GRB10: variants seen among roughly 807,000 people sequenced by gnomAD.
The protein encoded by GRB10 is growth factor receptor-bound protein 10.
GRB10 carries 20 observed loss-of-function variants against 80.9 expected under a neutral mutation model. The observed-to-expected ratio is 0.25, with a 90% CI of 0.17 to 0.36. GRB10 has a LOEUF of 0.36. GRB10 is among the 10% of genes least tolerant of loss of function. The pLI, the probability that GRB10 is intolerant of heterozygous loss-of-function variation, is 1.00. For synonymous variants in GRB10, 291 were observed against 291.5 expected (o/e 1.00, Z 0.02); for missense variants, 548 against 747.7 (o/e 0.73, Z 3.12).
chr7:50,660,152 G>A (rs533876509), intron 7 of GRB10, among the ~76,000 whole-genome samples: 133 of 152,318 alleles, frequency 8.7e-4, no homozygotes, highest in Admixed American at 1.8e-3. Context: ...AGGGGCATGG[G>A]GGCACAGCTG....
At chr7:50,730,297 G>A (rs995229509) in intron 4 of GRB10, among the ~76,000 whole-genome samples, 8 of 152,312 alleles carry the variant, frequency 5.3e-5, no homozygotes, top group Non-Finnish European at 8.8e-5. Context: ...CTCACGGACT[G>A]AACCATCTAT....
chr7:50,758,127 T>C (rs1387579013), intron 2 of GRB10, among the ~76,000 whole-genome samples: 1 of 152,132 alleles, frequency 6.6e-6, no homozygotes, highest in East Asian at 1.9e-4. Flanking sequence ...GCCTCCTCAA[T>C]AACCTCAGTG....
At chr7:50,670,442 A>G (rs993037062) in intron 6 of GRB10, among the ~76,000 whole-genome samples, 1 of 151,284 alleles carries the variant, frequency 6.6e-6, no homozygotes, top group African/African-American at 2.4e-5. Flanking sequence ...TATTTTACTA[A>G]AACGAAAACT....
Position 50,755,994 on chromosome 7 carries a change from G to A in GRB10, c.-154C>T. The A allele has an allele frequency of 2.5e-6, 1 of 398,786 alleles. No homozygotes were observed. Among genetic ancestry groups the A allele is most frequent in the Non-Finnish European group, 4.4e-6 (1 of 226,216 alleles). The allele number at this position is 398,786 out of a possible 1,614,324, so 24.7% of individuals were successfully genotyped here. A position where few individuals can be genotyped will look rare whatever the true frequency, so the allele number is the denominator to read the frequency against. On this transcript the variant is annotated 5_prime_UTR_variant, in exon 3 of 19. Coordinates refer to ENST00000401949, the MANE Select transcript of GRB10 (RefSeq NM_001350814.2). ...GCCGGTCACTGGGCTGCTGGTCACT[G>A]AGCTACCAGTCACTGGGCCTGCAGC...
chr7:50,637,012 C>G (rs1263412941), intron 7 of GRB10, among the ~76,000 whole-genome samples: 1 of 152,136 alleles, frequency 6.6e-6, no homozygotes, highest in African/African-American at 2.4e-5. Context: ...GGGTCTGGCT[C>G]TGTCACTTTG....
chr7:50,658,578 A>C (rs977684299), intron 7 of GRB10, among the ~76,000 whole-genome samples: 2 of 152,202 alleles, frequency 1.3e-5, no homozygotes, highest in Non-Finnish European at 2.9e-5. Flanking sequence ...TGGCAAAACT[A>C]TGGTGATTCT....
At chr7:50,627,453 G>A (rs995111277) in intron 7 of GRB10, among the ~76,000 whole-genome samples, 12 of 152,140 alleles carry the variant, frequency 7.9e-5, no homozygotes, top group South Asian at 6.2e-4. Flanking sequence ...GTCCAGCAGC[G>A]GCACCTACAG....
chr7:50,650,177 G>A (rs148427332), intron 7 of GRB10, among the ~76,000 whole-genome samples: 127 of 152,300 alleles, frequency 8.3e-4, no homozygotes, highest in Non-Finnish European at 1.7e-3. Context: ...AAACACTTAG[G>A]GAAGCAAGTT....
intron 5 of GRB10, among the ~76,000 whole-genome samples, chr7:50,699,705 AAAACGGTATTAT>A (rs1331224854): frequency 6.6e-6 from 1 of 152,212 alleles, no homozygotes; most frequent in Non-Finnish European, 1.5e-5. Flanking sequence ...GTTAACATGT[AAAACGGTATTAT>A]AATTTTGATT....
At chr7:50,681,732 G>A (rs563003054) in intron 5 of GRB10, among the ~76,000 whole-genome samples, 1 of 152,370 alleles carries the variant, frequency 6.6e-6, no homozygotes, top group East Asian at 1.9e-4. Context: ...AAATGCAAAA[G>A]TAAACATTTG....
chr7:50,627,936 C>G (rs2053255117), intron 7 of GRB10, among the ~76,000 whole-genome samples: 2 of 152,174 alleles, frequency 1.3e-5, no homozygotes, highest in African/African-American at 4.8e-5. Flanking sequence ...ACCCACCCAC[C>G]CGCTGGGCTC....
intron 5 of GRB10, among the ~76,000 whole-genome samples, chr7:50,684,551 T>C (rs1359301190): frequency 6.6e-6 from 1 of 152,124 alleles, no homozygotes; most frequent in Non-Finnish European, 1.5e-5. Context: ...AGGCCCTTTA[T>C]GACTGCCTGG....
intron 5 of GRB10, among the ~76,000 whole-genome samples, chr7:50,684,267 C>CAAAAAAAAAAAAAAAA (rs386410128): frequency 1.6e-5 from 1 of 62,296 alleles, no homozygotes; most frequent in East Asian, 4.9e-4. Context: ...CAATCATCAC[C>CAAAAAAAAAAAAAAAA]AAAAAAAAAA....
intron 17 of GRB10, among the ~76,000 whole-genome samples, chr7:50,599,773 C>G (rs2047290275): frequency 6.6e-6 from 1 of 152,186 alleles, no homozygotes; most frequent in Non-Finnish European, 1.5e-5. Flanking sequence ...AATTGAAAGA[C>G]AAACATGGCT....
intron 7 of GRB10, among the ~76,000 whole-genome samples, chr7:50,643,523 C>T (rs1252552022): frequency 6.6e-6 from 1 of 152,150 alleles, no homozygotes; most frequent in African/African-American, 2.4e-5. Flanking sequence ...GGTTCCTGAA[C>T]AGGAATAAAA....
intron 5 of GRB10, among the ~76,000 whole-genome samples, chr7:50,696,908 A>G (rs2063498370): frequency 1.3e-5 from 2 of 152,172 alleles, no homozygotes; most frequent in South Asian, 4.1e-4. Flanking sequence ...GAGGCAACCC[A>G]AGTGTCCCTC....
chr7:50,732,128 A>T, intron 4 of GRB10, 144 bp downstream of exon 4: 1 of 821,642 alleles, frequency 1.2e-6, no homozygotes, highest in African/African-American at 1.7e-5. Flanking sequence ...CCTCTGCACC[A>T]TGGGACTTGT....
intron 18 of GRB10, among the ~76,000 whole-genome samples, chr7:50,593,975 T>C (rs947836560): frequency 9.1e-6 from 1 of 110,400 alleles, no homozygotes; most frequent in Non-Finnish European, 2.3e-5. Context: ...GAAAGCCCCC[T>C]TTCTTTCTTT....
chr7:50,658,525 C>T (rs2058882452), intron 7 of GRB10, among the ~76,000 whole-genome samples: 1 of 152,124 alleles, frequency 6.6e-6, no homozygotes, highest in African/African-American at 2.4e-5. Flanking sequence ...ACAGGAGCCT[C>T]ACGTAGATGG....
Sources: gnomAD v4.1 joint callset for allele counts (sites outside exome capture counted in the v4.1 genomes callset) on GRCh38, gnomAD v4.1.1 for gene constraint, MANE v1.5 for transcripts, NCBI Gene and HGNC (gene_info 2026-07-23, HGNC 2026-07-21) for gene names.